WDPCP: variants seen among roughly 807,000 people sequenced by gnomAD.
WDPCP encodes WD repeat containing planar cell polarity effector.
WDPCP carries 71 observed loss-of-function variants against 93.1 expected under a neutral mutation model. The ratio of observed to expected loss-of-function variants is 0.76; its 90% CI spans 0.63 to 0.93. The LOEUF (loss-of-function observed/expected upper bound fraction) is 0.93, where lower values mean the gene tolerates loss of function less well. Among genes scored for constraint, WDPCP ranks in the 40% least tolerant of loss-of-function variants. WDPCP has a pLI of 0.00. For missense variants in WDPCP, 844 were observed against 887.4 expected (o/e 0.95, Z 0.62); for synonymous variants, 315 against 315.0 (o/e 1.00, Z 0.00).
intron 1 of WDPCP, among the ~76,000 whole-genome samples, chr2:63,516,778 T>A (rs1025879286): frequency 6.6e-6 from 1 of 152,076 alleles, no homozygotes; most frequent in Admixed American, 6.5e-5. Flanking sequence ...GGTTTTTTTT[T>A]AAAGTTCTGA....
At chr2:63,641,237 G>A (rs1325179219) in intron 3 of WDPCP, among the ~76,000 whole-genome samples, 1 of 152,170 alleles carries the variant, frequency 6.6e-6, no homozygotes, top group Non-Finnish European at 1.5e-5. Flanking sequence ...CACTCGGGTT[G>A]CTTCCAAATC....
At chr2:63,204,330 G>A (rs1676157267) in intron 14 of WDPCP, among the ~76,000 whole-genome samples, 1 of 126,278 alleles carries the variant, frequency 7.9e-6, no homozygotes, top group African/African-American at 2.8e-5. Flanking sequence ...TTATATGCCC[G>A]TTTGCCTTTT....
At chr2:63,740,711 C>T (rs1669700311) in intron 2 of WDPCP, among the ~76,000 whole-genome samples, 1 of 152,138 alleles carries the variant, frequency 6.6e-6, no homozygotes, top group Non-Finnish European at 1.5e-5. Context: ...AGCAACTCTT[C>T]CTGCAGGTGA....
intron 6 of WDPCP, among the ~76,000 whole-genome samples, chr2:63,450,723 C>T (rs1391773684): frequency 6.6e-6 from 1 of 152,144 alleles, no homozygotes; most frequent in Non-Finnish European, 1.5e-5. Flanking sequence ...GAGGAAATCA[C>T]AGATACCACT....
intron 12 of WDPCP, among the ~76,000 whole-genome samples, chr2:63,364,215 C>T (rs776813421): frequency 6.6e-5 from 10 of 152,054 alleles, no homozygotes; most frequent in Admixed American, 3.3e-4. Flanking sequence ...AGTTTTTTCA[C>T]GAAGGACTCA....
At chr2:63,578,368 T>C (rs1708257316) in intron 1 of WDPCP, among the ~76,000 whole-genome samples, 1 of 152,248 alleles carries the variant, frequency 6.6e-6, no homozygotes, top group African/African-American at 2.4e-5. Context: ...AGTAGGACTC[T>C]GTCTTTAGGA....
At position 63,588,464 on chromosome 2, in the gene WDPCP, C is replaced by T. The variant is rs961435810; in HGVS notation, c.-193G>A. The T allele has an allele frequency of 1.2e-5, 8 of 680,710 alleles. No individual in the cohort carries two copies. The highest frequency in any genetic ancestry group is 8.1e-5 in the East Asian group (3 of 36,992). The allele number at this position is 680,710 out of a possible 1,614,324, so 42.2% of individuals were successfully genotyped here. On this transcript the variant is annotated 5_prime_UTR_variant, in exon 1 of 18. Coordinates refer to ENST00000272321, the MANE Select transcript of WDPCP (RefSeq NM_015910.7). ...TTAGCAACCTGAGAAGCTGTCCGGT[C>T]GTCCCAACTTATCAATTCCCCCGCC...
chr2:63,593,883 ATC>A (rs1709251394), intron 3 of WDPCP, among the ~76,000 whole-genome samples: 2 of 151,968 alleles, frequency 1.3e-5, no homozygotes, highest in Non-Finnish European at 2.9e-5. Flanking sequence ...AACTGTTGAA[ATC>A]TCTGTTTGTA....
At chr2:63,180,758 C>T (rs1829524) in intron 14 of WDPCP, among the ~76,000 whole-genome samples, 45,140 of 151,982 alleles carry the variant, frequency 0.3, 8,368 homozygotes, top group African/African-American at 0.51. Context: ...AATCTCCATA[C>T]GGTTTTCCAT....
At chr2:63,264,600 T>C (rs1681946304) in intron 13 of WDPCP, among the ~76,000 whole-genome samples, 1 of 152,156 alleles carries the variant, frequency 6.6e-6, no homozygotes, top group East Asian at 1.9e-4. Flanking sequence ...TTAATAAGTT[T>C]GAAGGGGAGA....
chr2:63,226,354 C>G (rs2104518281), intron 14 of WDPCP, among the ~76,000 whole-genome samples: 1 of 151,696 alleles, frequency 6.6e-6, no homozygotes, highest in South Asian at 2.1e-4. Context: ...AGCATTTGAA[C>G]TAAATTCTTT....
At chr2:63,712,266 G>A (rs1307777370) in intron 2 of WDPCP, among the ~76,000 whole-genome samples, 4 of 152,180 alleles carry the variant, frequency 2.6e-5, no homozygotes, top group Non-Finnish European at 2.9e-5. Context: ...GCTCATGTGG[G>A]CAGTGAACCC....
chr2:63,473,659 A>G (rs558630226), intron 6 of WDPCP, among the ~76,000 whole-genome samples: 46 of 152,278 alleles, frequency 3.0e-4, no homozygotes, highest in African/African-American at 9.1e-4. Flanking sequence ...CCAAAAACCG[A>G]TATCTCCTAT....
intron 14 of WDPCP, among the ~76,000 whole-genome samples, chr2:63,215,060 A>T (rs1008458565): frequency 6.6e-6 from 1 of 152,206 alleles, no homozygotes; most frequent in African/African-American, 2.4e-5. Context: ...AAGGTAATCT[A>T]TAGATTCAAG....
intron 2 of WDPCP, among the ~76,000 whole-genome samples, chr2:63,666,126 T>G (rs1710279778): frequency 6.6e-6 from 1 of 152,222 alleles, no homozygotes; most frequent in South Asian, 2.1e-4. Flanking sequence ...TAAGGACCTT[T>G]ACATATATCC....
intron 3 of WDPCP, among the ~76,000 whole-genome samples, chr2:63,610,037 AT>A (rs34454304): frequency 1.3e-5 from 2 of 152,044 alleles, no homozygotes; most frequent in East Asian, 3.9e-4. Context: ...TCTTTATGCC[AT>A]TTTTTTAATG....
intron 13 of WDPCP, among the ~76,000 whole-genome samples, chr2:63,274,181 C>G (rs1234886882): frequency 6.6e-6 from 1 of 151,858 alleles, no homozygotes; most frequent in East Asian, 1.9e-4. Context: ...AAGTAGAAGT[C>G]AATACCAAGA....
chr2:63,505,051 G>A (rs908491575), intron 1 of WDPCP, among the ~76,000 whole-genome samples: 1 of 151,940 alleles, frequency 6.6e-6, no homozygotes, highest in East Asian at 1.9e-4. Flanking sequence ...TTATTTGGTA[G>A]TGGCACCCAT....
chr2:63,699,951 T>C (rs1669020187), intron 2 of WDPCP, among the ~76,000 whole-genome samples: 1 of 151,926 alleles, frequency 6.6e-6, no homozygotes, highest in African/African-American at 2.4e-5. Flanking sequence ...TGAGGTTATG[T>C]TTTATGAAGA....
Sources: allele counts gnomAD v4.1 joint callset (sites outside exome capture counted in the v4.1 genomes callset), GRCh38; gene constraint gnomAD v4.1.1; transcripts MANE v1.5; gene names NCBI Gene and HGNC (gene_info 2026-07-23, HGNC 2026-07-21).